COL24A1: variants seen among roughly 807,000 people sequenced by gnomAD.
COL24A1 encodes collagen type XXIV alpha 1 chain, also known as collagen alpha-1(XXIV) chain.
A neutral mutation model predicts 253.9 loss-of-function variants in COL24A1; 224 were observed. That is an observed-to-expected ratio of 0.88 (90% CI 0.79 to 0.99). The LOEUF (loss-of-function observed/expected upper bound fraction) is 0.99. COL24A1 is among the 50% of genes least tolerant of loss of function. The pLI is 0.00. For synonymous variants in COL24A1, 685 were observed against 673.7 expected, an observed-to-expected ratio of 1.02 and a Z score of -0.26; for missense variants, 2,131 against 2,068.5, an observed-to-expected ratio of 1.03 and a Z score of -0.59.
rs186212320 is a variant in COL24A1 at position 85,796,512 on chromosome 1, C to T, written c.3952-10051G>A. On this transcript the variant is annotated intron_variant, in intron 47 of 59. Transcript: ENST00000370571. ...AGAAATAAATGTCTATCCTTTTATTCAAAAAATTACAAATAATCTACTCAT... is the reference window on the plus strand; with the variant it reads ...AGAAATAAATGTCTATCCTTTTATTTAAAAAATTACAAATAATCTACTCAT... Among the ~76,000 whole-genome samples, 881 of 152,168 alleles carry T rather than the reference C, an allele frequency of 5.8e-3. 3 individuals are homozygous for T. The highest frequency in any genetic ancestry group is 0.02 in the African/African-American group (831 of 41,516).
intron 38 of COL24A1, 54 bp downstream of exon 38, chr1:85,849,299 G>T: frequency 1.4e-6 from 2 of 1,388,564 alleles, no homozygotes; most frequent in South Asian, 2.4e-5. Context: ...AGTCTATGGA[G>T]TTCTGGGCAC....
At chr1:85,881,252 CAA>C (rs1681803079) in intron 32 of COL24A1, among the ~76,000 whole-genome samples, 1 of 151,906 alleles carries the variant, frequency 6.6e-6, no homozygotes, top group Non-Finnish European at 1.5e-5. Context: ...GATATCAAAT[CAA>C]ATCAAATCAA....
intron 7 of COL24A1, among the ~76,000 whole-genome samples, chr1:86,067,663 G>A (rs1018903312): frequency 6.6e-6 from 1 of 152,074 alleles, no homozygotes; most frequent in East Asian, 1.9e-4. Flanking sequence ...ATATATATTT[G>A]TAATATACTG....
At chr1:85,974,909 A>G (rs1247865979) in intron 20 of COL24A1, among the ~76,000 whole-genome samples, 1 of 152,188 alleles carries the variant, frequency 6.6e-6, no homozygotes, top group East Asian at 1.9e-4. Context: ...AAAATGATAC[A>G]TAGAATATAA....
chr1:85,868,978 C>T, intron 35 of COL24A1, 143 bp from the exon 36 acceptor site: 1 of 558,114 alleles, frequency 1.8e-6, no homozygotes, highest in Non-Finnish European at 3.1e-6. Flanking sequence ...GAGGATTTGA[C>T]AGTAAAATGA....
chr1:85,914,652 A>C (rs1173649658), intron 24 of COL24A1, among the ~76,000 whole-genome samples: 1 of 151,966 alleles, frequency 6.6e-6, no homozygotes, highest in African/African-American at 2.4e-5. Context: ...TGGCCTCCCA[A>C]AGTATTGGGA....
chr1:85,863,566 T>C (rs897217520), intron 37 of COL24A1, among the ~76,000 whole-genome samples: 4 of 152,062 alleles, frequency 2.6e-5, no homozygotes, highest in Admixed American at 2.6e-4. Flanking sequence ...CTAATTAAAC[T>C]AAAGAGCTTC....
At chr1:85,796,765 T>A (rs1283310106) in intron 47 of COL24A1, among the ~76,000 whole-genome samples, 1 of 152,196 alleles carries the variant, frequency 6.6e-6, no homozygotes, top group Admixed American at 6.5e-5. Flanking sequence ...CATACAATAT[T>A]TCATTTGATT....
chr1:86,123,112 A>G (rs943108713), intron 3 of COL24A1, among the ~76,000 whole-genome samples: 3 of 152,028 alleles, frequency 2.0e-5, no homozygotes, highest in African/African-American at 7.2e-5. Flanking sequence ...CAAACTTTAC[A>G]AAGTTATTTT....
chr1:85,908,577 TA>T lies in COL24A1; in HGVS notation c.2724+20del. On this transcript the variant is annotated intron_variant, in intron 27 of 59. Transcript: ENST00000370571. Reference sequence around the variant, plus strand: ...AAAGTAAACATTCCGGAAGGAATCATAAAGTCTTTCCTGTACTTACAGGTAA... The same window carrying T: ...AAAGTAAACATTCCGGAAGGAATCATAAGTCTTTCCTGTACTTACAGGTAA... 1.5e-6 allele frequency: 2 copies of T among 1,361,530 alleles called. No individual in the cohort carries two copies. The highest frequency in any genetic ancestry group is 2.0e-6 in the Non-Finnish European group (2 of 1,004,050). The allele number at this position is 1,361,530 out of a possible 1,614,324, so 84.3% of individuals were successfully genotyped here. A position where few individuals can be genotyped will look rare whatever the true frequency, so the allele number is the denominator to read the frequency against.
At chr1:85,880,448 A>T (rs1032310662) in intron 32 of COL24A1, among the ~76,000 whole-genome samples, 1 of 152,170 alleles carries the variant, frequency 6.6e-6, no homozygotes, top group Non-Finnish European at 1.5e-5. Context: ...TTACACAGAC[A>T]GCCATGCCAT....
chr1:86,086,213 A>G (rs1048945712), intron 7 of COL24A1, among the ~76,000 whole-genome samples: 1 of 152,174 alleles, frequency 6.6e-6, no homozygotes, highest in African/African-American at 2.4e-5. Context: ...CCAGTATTTT[A>G]CTTCCTCTTG....
At position 85,890,465 on chromosome 1, in the gene COL24A1, TG is replaced by T. The variant is rs961304951; in HGVS notation, c.2923-853del. The stretch of plus-strand genomic sequence containing the variant: ...ATGTTTGTGAAATAGTATCCCATGG[TG>T]GTTTGATTTTCATTTCCCTAATGAC... On this transcript the variant is annotated intron_variant, in intron 31 of 59. Transcript: ENST00000370571. Among the ~76,000 whole-genome samples the T allele has an allele frequency of 3.3e-4, 50 of 151,488 alleles. 1 individual carries two copies. Among genetic ancestry groups the T allele is most frequent in the African/African-American group, 1.1e-3 (46 of 41,346 alleles).
rs574250270 is a variant in COL24A1 at position 86,144,896 on chromosome 1, C to T, written c.121+1223G>A. ...ATAGTAAGTTCTCAGAAACAGTAACCGTGATAATAACAATAAATTAAGAGA... is the reference window on the plus strand; with the variant it reads ...ATAGTAAGTTCTCAGAAACAGTAACTGTGATAATAACAATAAATTAAGAGA... On this transcript the variant is annotated intron_variant, in intron 2 of 59. Coordinates refer to ENST00000370571, the MANE Select transcript of COL24A1 (RefSeq NM_152890.7). Among the ~76,000 whole-genome samples the T allele has an allele frequency of 4.6e-5, 7 of 152,116 alleles. No homozygotes were observed. In the South Asian group the frequency reaches 6.2e-4, roughly 14 times the overall value.
Position 86,020,302 on chromosome 1 carries a change from G to A in COL24A1, c.2256+1938C>T, listed in dbSNP as rs373880518. ...AGGGTGGTCTCGAACTCCTGACCTC[G>A]TGATCCACCCACCTCAGCTGCCCAA... On this transcript the variant is annotated intron_variant, in intron 18 of 59. Coordinates refer to ENST00000370571, the MANE Select transcript of COL24A1 (RefSeq NM_152890.7). Among the ~76,000 whole-genome samples the A allele has an allele frequency of 2.5e-3, 376 of 152,012 alleles. 2 individuals carry two copies. Among genetic ancestry groups the A allele is most frequent in the African/African-American group, 8.6e-3 (358 of 41,506 alleles).
chr1:86,030,063 T>A (rs1410425678), intron 14 of COL24A1: 1 of 151,006 alleles, frequency 6.6e-6, no homozygotes, highest in African/African-American at 2.4e-5. Flanking sequence ...CTGGTCTACA[T>A]GAAAAGAGAA....
Position 85,786,421 on chromosome 1 carries a change from GCC to G in COL24A1, c.3990_3991del (p.Ala1331SerfsTer24). 1.2e-6 allele frequency: 2 copies of G among 1,613,616 alleles called. No individual in the cohort carries two copies. Among genetic ancestry groups the G allele is most frequent in the Non-Finnish European group, 1.7e-6 (2 of 1,179,768 alleles). On this transcript the variant is annotated frameshift_variant, in exon 48 of 60. Coordinates refer to ENST00000370571, the MANE Select transcript of COL24A1 (RefSeq NM_152890.7). LOFTEE classifies it high-confidence loss of function. ...ACCCTTTACTCCTGGAGGACCTGGA[GCC>G]CCAGCAAGACCTGTTCTTCCTGGGC...
chr1:86,125,560 A>G lies in COL24A1; in HGVS notation c.776T>C (p.Leu259Pro). ...GTGTTCCGGTATCTTTGTTGGTATG[A>G]GAGTTGTACAAGGAATGCTTGTTTC... ...QPETSIPCTT[L>P]IPTKIPEHSP... Residue 259 changes from leucine to proline, a missense_variant, in exon 3 of 60, where the codon CTC (leucine) becomes CCC (proline). Leu to Pro is a moderately conservative substitution (Grantham distance 98). Transcript: ENST00000370571. 1.2e-6 allele frequency: 2 copies of G among 1,613,486 alleles called. No individual in the cohort carries two copies. Among genetic ancestry groups the G allele is most frequent in the Non-Finnish European group, 1.7e-6 (2 of 1,179,768 alleles).
intron 47 of COL24A1, among the ~76,000 whole-genome samples, chr1:85,791,367 T>C (rs990265877): frequency 1.3e-5 from 2 of 152,130 alleles, no homozygotes; most frequent in African/African-American, 4.8e-5. Context: ...ACTAAATCAG[T>C]ACAATCTTCT....
Sources: gnomAD v4.1 joint callset for allele counts (sites outside exome capture counted in the v4.1 genomes callset) on GRCh38, gnomAD v4.1.1 for gene constraint, MANE v1.5 for transcripts, NCBI Gene and HGNC (gene_info 2026-07-23, HGNC 2026-07-21) for gene names.